PTPRD: variants seen among roughly 807,000 people sequenced by gnomAD.
PTPRD encodes the protein protein tyrosine phosphatase receptor type D.
A neutral mutation model predicts 214.5 loss-of-function variants in PTPRD; 34 were observed. That is an observed-to-expected ratio of 0.16 (90% CI 0.12 to 0.21). The LOEUF is 0.21. Among genes scored for constraint, PTPRD ranks in the 10% least tolerant of loss-of-function variants. The pLI, the probability that PTPRD is intolerant of heterozygous loss-of-function variation, is 1.00. For synonymous variants in PTPRD, 1,128 were observed against 845.7 expected (o/e 1.33, Z -5.79); for missense variants, 2,545 against 2,398.7 (o/e 1.06, Z -1.27).
chr9:8,985,995 C>T (rs1377165937), intron 11 of PTPRD, among the ~76,000 whole-genome samples: 1 of 151,934 alleles, frequency 6.6e-6, no homozygotes, highest in Non-Finnish European at 1.5e-5. Flanking sequence ...CAAATATTAG[C>T]TATAAAAGCT....
At chr9:9,828,770 A>G (rs1177951387) in intron 5 of PTPRD, among the ~76,000 whole-genome samples, 1 of 151,690 alleles carries the variant, frequency 6.6e-6, no homozygotes, top group African/African-American at 2.4e-5. Context: ...AACAATCAAT[A>G]TAACTACTTG....
At chr9:8,937,903 G>C (rs865780677) in intron 11 of PTPRD, among the ~76,000 whole-genome samples, 1 of 152,064 alleles carries the variant, frequency 6.6e-6, no homozygotes, top group African/African-American at 2.4e-5. Flanking sequence ...TGAAAATTAG[G>C]TCAATATGCA....
intron 2 of PTPRD, among the ~76,000 whole-genome samples, chr9:10,510,430 T>C (rs1269186378): frequency 1.3e-5 from 2 of 152,308 alleles, no homozygotes; most frequent in African/African-American, 2.4e-5. Flanking sequence ...CACTGTGTTA[T>C]ACCTTCCTAA....
intron 9 of PTPRD, among the ~76,000 whole-genome samples, chr9:9,320,082 T>C (rs1191955594): frequency 2.0e-5 from 3 of 152,202 alleles, no homozygotes; most frequent in Admixed American, 2.0e-4. Context: ...AAATGAATAA[T>C]AATGTTTTAT....
chr9:9,945,880 G>A (rs552413201), intron 4 of PTPRD, among the ~76,000 whole-genome samples: 9 of 151,912 alleles, frequency 5.9e-5, no homozygotes, highest in Admixed American at 1.3e-4. Context: ...AAATCTATAC[G>A]TACCTGAAAT....
chr9:9,716,481 G>T (rs1431129587), intron 7 of PTPRD, among the ~76,000 whole-genome samples: 1 of 151,982 alleles, frequency 6.6e-6, no homozygotes, highest in African/African-American at 2.4e-5. Flanking sequence ...CAGTGTAAAA[G>T]TGTTCCTATT....
intron 3 of PTPRD, among the ~76,000 whole-genome samples, chr9:10,215,775 G>C (rs2099538419): frequency 6.6e-6 from 1 of 151,948 alleles, no homozygotes. Context: ...TAATTAAATT[G>C]AGGTATACTT....
chr9:10,147,656 G>A lies in PTPRD; in HGVS notation c.-544-113866C>T, dbSNP rs559372685. 2.0e-5 allele frequency among the ~76,000 whole-genome samples: 3 copies of A among 152,214 alleles called. No individual in the cohort carries two copies. The South Asian group carries it at 6.2e-4, about 32-fold the overall frequency. ...GCACTTTAGGATGCCAAGGTGTGTG[G>A]ATCATCTGAGGTCAGGAGTTCAAGA... On this transcript the variant is annotated intron_variant, in intron 3 of 45. Transcript: ENST00000381196.
At chr9:8,786,919 T>C (rs941272890) in intron 11 of PTPRD, among the ~76,000 whole-genome samples, 3 of 152,028 alleles carry the variant, frequency 2.0e-5, no homozygotes, top group Non-Finnish European at 4.4e-5. Flanking sequence ...ACTTTATTTA[T>C]TTAGAGACAG....
intron 9 of PTPRD, among the ~76,000 whole-genome samples, chr9:9,225,616 T>C (rs1039768955): frequency 5.3e-5 from 8 of 152,068 alleles, no homozygotes; most frequent in African/African-American, 1.9e-4. Context: ...GAGACATCAC[T>C]AGCTGAGAAA....
chr9:9,862,975 C>A (rs1042562602), intron 5 of PTPRD, among the ~76,000 whole-genome samples: 2 of 152,030 alleles, frequency 1.3e-5, no homozygotes, highest in Admixed American at 1.3e-4. Flanking sequence ...ACCATTATTT[C>A]TTCAATAATA....
intron 2 of PTPRD, among the ~76,000 whole-genome samples, chr9:10,379,601 A>T (rs1031341026): frequency 6.6e-6 from 1 of 152,092 alleles, no homozygotes; most frequent in Non-Finnish European, 1.5e-5. Context: ...GTAAGTATTT[A>T]AAGAAATACA....
At chr9:9,931,349 GC>G (rs1034513657) in intron 5 of PTPRD, among the ~76,000 whole-genome samples, 147 of 152,310 alleles carry the variant, frequency 9.7e-4, no homozygotes, top group African/African-American at 3.1e-3. Context: ...CAGACAGTGG[GC>G]GCAGGTCAGT....
At chr9:8,571,246 C>T (rs1450217473) in intron 14 of PTPRD, among the ~76,000 whole-genome samples, 1 of 152,058 alleles carries the variant, frequency 6.6e-6, no homozygotes, top group African/African-American at 2.4e-5. Flanking sequence ...TCTTACTGTG[C>T]CTTGTGAATA....
chr9:9,903,249 G>C (rs2076811336), intron 5 of PTPRD, among the ~76,000 whole-genome samples: 1 of 151,732 alleles, frequency 6.6e-6, no homozygotes, highest in South Asian at 2.1e-4. Flanking sequence ...TTCCCTAATA[G>C]TTTTAATTTT....
At chr9:9,324,440 G>C (rs1220164863) in intron 9 of PTPRD, among the ~76,000 whole-genome samples, 1 of 152,156 alleles carries the variant, frequency 6.6e-6, no homozygotes, top group Non-Finnish European at 1.5e-5. Context: ...CTGATGACCA[G>C]TGATGATGAG....
At chr9:9,514,976 C>T (rs999676126) in intron 8 of PTPRD, among the ~76,000 whole-genome samples, 1 of 152,010 alleles carries the variant, frequency 6.6e-6, no homozygotes, top group African/African-American at 2.4e-5. Context: ...AAATGCCAAA[C>T]CTTCATCAAT....
chr9:9,024,088 A>G (rs983533484), intron 10 of PTPRD, among the ~76,000 whole-genome samples: 2 of 151,766 alleles, frequency 1.3e-5, no homozygotes, highest in African/African-American at 4.8e-5. Flanking sequence ...AAATCCTACC[A>G]CTGAGAGACA....
intron 3 of PTPRD, among the ~76,000 whole-genome samples, chr9:10,055,330 G>A (rs1364106954): frequency 2.6e-5 from 4 of 151,990 alleles, no homozygotes; most frequent in African/African-American, 9.7e-5. Context: ...TACAAAGATC[G>A]GCATGATAAA....
Sources: allele counts gnomAD v4.1 joint callset (sites outside exome capture counted in the v4.1 genomes callset), GRCh38; gene constraint gnomAD v4.1.1; transcripts MANE v1.5; gene names NCBI Gene and HGNC (gene_info 2026-07-23, HGNC 2026-07-21).